The following HS2ST1 variants were observed in gnomAD, a reference collection of about 807,000 sequenced individuals.
HS2ST1 encodes 2-O-sulfotransferase.
Under a neutral mutation model 42.9 loss-of-function variants are expected in HS2ST1, and 18 were observed. That is an observed-to-expected ratio of 0.42 (90% CI 0.29 to 0.62). The LOEUF (loss-of-function observed/expected upper bound fraction) is 0.62, where lower values mean the gene tolerates loss of function less well. Ranked by LOEUF, HS2ST1 falls within the 20% of genes least tolerant of loss-of-function variation. HS2ST1 has a pLI of 0.21. For missense variants in HS2ST1, 334 were observed against 433.8 expected, an observed-to-expected ratio of 0.77 and a Z score of 2.04; for synonymous variants, 146 against 152.9, an observed-to-expected ratio of 0.95 and a Z score of 0.33.
At chr1:86,990,828 ATATATATATTTTTTTT>A (rs1433172979) in intron 1 of HS2ST1, among the ~76,000 whole-genome samples, 1 of 17,788 alleles carries the variant, frequency 5.6e-5, no homozygotes, top group African/African-American at 9.0e-5. Flanking sequence ...ATATATATAT[ATATATATATTTTTTTT>A]TTTTTTTTTT....
intron 1 of HS2ST1, among the ~76,000 whole-genome samples, chr1:86,917,518 CAA>C (rs5775926): frequency 7.6e-6 from 1 of 131,470 alleles, no homozygotes. Flanking sequence ...GACTCAGTCT[CAA>C]AAAAAAAAAA....
intron 2 of HS2ST1, among the ~76,000 whole-genome samples, chr1:87,081,497 G>A (rs987271470): frequency 6.6e-6 from 1 of 152,118 alleles, no homozygotes; most frequent in African/African-American, 2.4e-5. Context: ...AAATGAAAAT[G>A]GAAATACAGC....
intron 1 of HS2ST1, among the ~76,000 whole-genome samples, chr1:87,055,280 C>T (rs1650933365): frequency 6.6e-6 from 1 of 152,100 alleles, no homozygotes; most frequent in Non-Finnish European, 1.5e-5. Flanking sequence ...TTTCTTCATC[C>T]CCATTTATTC....
At chr1:87,101,859 G>C (rs2100657143) in intron 5 of HS2ST1, among the ~76,000 whole-genome samples, 1 of 152,220 alleles carries the variant, frequency 6.6e-6, no homozygotes, top group East Asian at 1.9e-4. Flanking sequence ...TACCTGAGAT[G>C]GTAATTTATA....
At chr1:87,101,147 G>GTTTTTTTTTTTTTTTT (rs1557546414) in intron 5 of HS2ST1, among the ~76,000 whole-genome samples, 1 of 75,892 alleles carries the variant, frequency 1.3e-5, no homozygotes, top group Non-Finnish European at 2.5e-5. Context: ...GTGTGTGTGT[G>GTTTTTTTTTTTTTTTT]TGTTTTTTGT....
chr1:87,050,543 T>C (rs1251847303), intron 1 of HS2ST1, among the ~76,000 whole-genome samples: 1 of 152,054 alleles, frequency 6.6e-6, no homozygotes, highest in Admixed American at 6.5e-5. Flanking sequence ...TGGAGAATGG[T>C]ACCCACAGGG....
chr1:86,951,849 T>C (rs1192821678), intron 1 of HS2ST1, among the ~76,000 whole-genome samples: 1 of 152,252 alleles, frequency 6.6e-6, no homozygotes, highest in East Asian at 1.9e-4. Context: ...TTCAGCATGT[T>C]CACAGCATCT....
At chr1:86,971,708 A>G (rs974195452) in intron 1 of HS2ST1, among the ~76,000 whole-genome samples, 15 of 152,184 alleles carry the variant, frequency 9.9e-5, no homozygotes, top group Non-Finnish European at 2.2e-4. Context: ...TTTGGTTAGG[A>G]CTTGAAAATT....
At chr1:87,017,389 G>A (rs1397877086) in intron 1 of HS2ST1, among the ~76,000 whole-genome samples, 2 of 151,996 alleles carry the variant, frequency 1.3e-5, no homozygotes, top group Non-Finnish European at 2.9e-5. Flanking sequence ...TGCCTGCCTC[G>A]GCCTCCCAAA....
At position 87,108,129 on chromosome 1, in the gene HS2ST1, T is replaced by C. The variant is rs1353331798; in HGVS notation, c.*3433T>C. ...GATATTGCAGATGACTTGCTTACTG[T>C]ATTTGCATTGTTAGAAAACAGTTTG... On this transcript the variant is annotated 3_prime_UTR_variant, in exon 7 of 7. Coordinates refer to ENST00000370550, the MANE Select transcript of HS2ST1 (RefSeq NM_012262.4). The C allele has an allele frequency of 6.6e-6, 1 of 152,124 alleles. No homozygotes were observed. Among genetic ancestry groups the C allele is most frequent in the Non-Finnish European group, 1.5e-5 (1 of 67,968 alleles). 9.4% of individuals were successfully genotyped at this position (152,124 alleles called of 1,614,324 possible).
chr1:87,008,060 C>T lies in HS2ST1; in HGVS notation c.125-64874C>T, dbSNP rs1001401529. Among the ~76,000 whole-genome samples the T allele has an allele frequency of 7.9e-5, 12 of 152,094 alleles. No homozygotes were observed. The East Asian group carries it at 1.4e-3, about 17-fold the overall frequency. ...ATAACTAAGAAAGGTACTCAGATTT[C>T]GGAATTGTGAGGAAAGAAATAATAT... On this transcript the variant is annotated intron_variant, in intron 1 of 6. Coordinates refer to ENST00000370550, the MANE Select transcript of HS2ST1 (RefSeq NM_012262.4).
chr1:86,994,780 T>C (rs183008541), intron 1 of HS2ST1, among the ~76,000 whole-genome samples: 140 of 152,280 alleles, frequency 9.2e-4, no homozygotes, highest in Non-Finnish European at 1.6e-3. Context: ...ACATTTTTGC[T>C]TAACACTCTT....
At chr1:86,945,720 A>G (rs12080431) in intron 1 of HS2ST1, among the ~76,000 whole-genome samples, 187 of 152,290 alleles carry the variant, frequency 1.2e-3, no homozygotes, top group African/African-American at 4.2e-3. Flanking sequence ...ATATAAATCT[A>G]CTACAGGAAT....
intron 1 of HS2ST1, among the ~76,000 whole-genome samples, chr1:87,037,164 G>A (rs1230159134): frequency 5.5e-5 from 1 of 18,022 alleles, no homozygotes; most frequent in African/African-American, 8.4e-5. Context: ...CTTTTCTTCT[G>A]GTGGTGAAAG....
chr1:87,095,832 G>A (rs1652047115), intron 4 of HS2ST1, among the ~76,000 whole-genome samples: 1 of 151,892 alleles, frequency 6.6e-6, no homozygotes, highest in South Asian at 2.1e-4. Flanking sequence ...CAATAGTAAA[G>A]CCATCATGTT....
At chr1:86,946,718 G>T (rs1002591042) in intron 1 of HS2ST1, among the ~76,000 whole-genome samples, 1 of 152,120 alleles carries the variant, frequency 6.6e-6, no homozygotes, top group Non-Finnish European at 1.5e-5. Context: ...TTGGAAATAG[G>T]TGTCTAGAAA....
At position 86,993,133 on chromosome 1, in the gene HS2ST1, G is replaced by A. The variant is rs758030721; in HGVS notation, c.124+77973G>A. 3 of 1,599,722 alleles carry A rather than the reference G, an allele frequency of 1.9e-6. No individual in the cohort carries two copies. In the African/African-American group the frequency reaches 4.0e-5, roughly 21 times the overall value. On this transcript the variant is annotated intron_variant, in intron 1 of 6. Coordinates refer to ENST00000370550, the MANE Select transcript of HS2ST1 (RefSeq NM_012262.4). ...CGAAGTATTCAGTATGCCAGGTACT[G>A]TATTTTGGGGTAGCATGTCCTAAAC...
At position 86,919,119 on chromosome 1, in the gene HS2ST1, A is replaced by T. The variant is rs1259017201; in HGVS notation, c.124+3959A>T. On this transcript the variant is annotated intron_variant, in intron 1 of 6. Coordinates refer to ENST00000370550, the MANE Select transcript of HS2ST1 (RefSeq NM_012262.4). ...GCCACCACGCCCAGGTAATTTTTGT[A>T]TTTTTAGTAGAGACAGGGTTTCACC... Among the ~76,000 whole-genome samples, 4 of 151,770 alleles carry T rather than the reference A, an allele frequency of 2.6e-5. No individual in the cohort carries two copies. The East Asian group carries it at 7.8e-4, about 29-fold the overall frequency.
chr1:86,962,655 G>A (rs144965285), intron 1 of HS2ST1, among the ~76,000 whole-genome samples: 41 of 152,284 alleles, frequency 2.7e-4, no homozygotes, highest in Non-Finnish European at 5.4e-4. Flanking sequence ...AGACAGCTGT[G>A]ATTTACAGGT....
Sources: gnomAD v4.1 joint callset for allele counts (sites outside exome capture counted in the v4.1 genomes callset) on GRCh38, gnomAD v4.1.1 for gene constraint, MANE v1.5 for transcripts, NCBI Gene and HGNC (gene_info 2026-07-23, HGNC 2026-07-21) for gene names.